TEK: variants seen among roughly 807,000 people sequenced by gnomAD.
TEK encodes TEK receptor tyrosine kinase.
Under a neutral mutation model 131.8 loss-of-function variants are expected in TEK, and 43 were observed. The observed-to-expected ratio is 0.33, with a 90% confidence interval of 0.26 to 0.42. The LOEUF (loss-of-function observed/expected upper bound fraction) is 0.42, where lower values mean the gene tolerates loss of function less well. TEK is among the 10% of genes least tolerant of loss of function. The pLI is 1.00. For synonymous variants in TEK, 580 were observed against 491.6 expected (o/e 1.18, Z -2.38); for missense variants, 1,162 against 1,384.4 (o/e 0.84, Z 2.55).
Position 27,229,439 on chromosome 9 carries a change from A to G in TEK, c.*207A>G, listed in dbSNP as rs1268552493. On this transcript the variant is annotated 3_prime_UTR_variant, in exon 23 of 23. Coordinates refer to ENST00000380036, the MANE Select transcript of TEK (RefSeq NM_000459.5). ...TAGGACTGTATATACTGTTTTAAGA[A>G]TGGGCTGAAATCAGAATGCCTGTTT... is the stretch of plus-strand genomic sequence containing the variant. The G allele has an allele frequency of 1.5e-5, 9 of 593,368 alleles. No homozygotes were observed. Among genetic ancestry groups the G allele is most frequent in the Admixed American group, 2.8e-5 (1 of 35,592 alleles). The allele number at this position is 593,368 out of a possible 1,614,324, so 36.8% of individuals were successfully genotyped here. A position where few individuals can be genotyped will look rare whatever the true frequency, so the allele number is the denominator to read the frequency against.
intron 6 of TEK, among the ~76,000 whole-genome samples, chr9:27,174,099 A>G (rs531909831): frequency 2.0e-5 from 3 of 152,188 alleles, no homozygotes; most frequent in Non-Finnish European, 2.9e-5. Flanking sequence ...CCATTTGACC[A>G]GGCTCTGTGG....
chr9:27,137,027 T>C (rs1485064621), intron 1 of TEK, among the ~76,000 whole-genome samples: 4 of 152,196 alleles, frequency 2.6e-5, no homozygotes, highest in Admixed American at 2.0e-4. Flanking sequence ...GCGATTCTCC[T>C]GCCTCAGCCT....
chr9:27,191,076 T>C (rs1824802253), intron 10 of TEK, among the ~76,000 whole-genome samples: 1 of 152,198 alleles, frequency 6.6e-6, no homozygotes, highest in South Asian at 2.1e-4. Flanking sequence ...AGGCTTAATC[T>C]GCCTAAATCC....
chr9:27,228,846 C>G (rs1008748602), intron 22 of TEK, among the ~76,000 whole-genome samples: 1 of 152,082 alleles, frequency 6.6e-6, no homozygotes, highest in African/African-American at 2.4e-5. Flanking sequence ...GAGATTCAGA[C>G]AGAGGAAGGA....
In TEK at chr9:27,172,716, T is replaced by G. The variant is rs1460117652; in HGVS notation, c.729T>G (p.Pro243=). The stretch of plus-strand genomic sequence containing the variant: ...AAGATACTGGAGAATGCATTTGCCC[T>G]CCTGGGTTTATGGGAAGGACGTGTG... The part of the protein sequence containing the change: ...CHEDTGECIC[P]PGFMGRTCEK... The change falls in exon 5 of 23, where the codon CCT becomes CCG. Residue 243 remains proline, a synonymous_variant. Coordinates refer to ENST00000380036, the MANE Select transcript of TEK (RefSeq NM_000459.5). 1 of 1,613,666 alleles carries G rather than the reference T, an allele frequency of 6.2e-7. No individual in the cohort carries two copies. The highest frequency in any genetic ancestry group is 1.3e-5 in the African/African-American group (1 of 75,024).
In TEK at chr9:27,203,005, C is replaced by T; in HGVS notation, c.2095C>T (p.Leu699Phe). Residue 699 changes from leucine to phenylalanine, a missense_variant, in exon 13 of 23, where the codon CTC (leucine) becomes TTC (phenylalanine). Coordinates refer to ENST00000380036, the MANE Select transcript of TEK (RefSeq NM_000459.5). ...GAATGCCACCATCACTCAGTATCAG[C>T]TCAAGGGCCTAGAGCCTGAAACAGC... ...IKNATITQYQLKGLEPETAYQ... is the reference protein window; with the variant it reads ...IKNATITQYQFKGLEPETAYQ... The T allele has an allele frequency of 1.2e-6, 2 of 1,614,110 alleles. No individual in the cohort carries two copies. The highest frequency in any genetic ancestry group is 8.5e-7 in the Non-Finnish European group (1 of 1,179,998).
intron 1 of TEK, among the ~76,000 whole-genome samples, chr9:27,116,130 T>C (rs1349872819): frequency 6.6e-6 from 1 of 152,018 alleles, no homozygotes; most frequent in Non-Finnish European, 1.5e-5. Context: ...GAGTTAGTGA[T>C]TGGTTGTATA....
chr9:27,137,082 A>AT (rs972019322), intron 1 of TEK, among the ~76,000 whole-genome samples: 1 of 151,886 alleles, frequency 6.6e-6, no homozygotes, highest in African/African-American at 2.4e-5. Context: ...CGCCTGGCTA[A>AT]TTTTTTTGTA....
At chr9:27,137,744 A>T (rs1478521086) in intron 1 of TEK, among the ~76,000 whole-genome samples, 1 of 152,228 alleles carries the variant, frequency 6.6e-6, no homozygotes, top group Admixed American at 6.5e-5. Context: ...ACTATTGTGA[A>T]TTCTACCCAC....
In TEK at chr9:27,212,889, C is replaced by G. The variant is rs1356088614; in HGVS notation, c.2869C>G (p.Gln957Glu). The G allele has an allele frequency of 6.2e-7, 1 of 1,613,912 alleles. No homozygotes were observed. The highest frequency in any genetic ancestry group is 1.7e-5 in the Admixed American group (1 of 60,028). ...DVARGMDYLSQKQFIHRDLAA... is the reference protein window; with the variant it reads ...DVARGMDYLSEKQFIHRDLAA... ...GGCCCGGGGCATGGACTACTTGAGC[C>G]AAAAACAGGTTTGTCCGGAGGACTT... Residue 957 changes from glutamine (Q) to glutamate (E), a missense_variant, in exon 17 of 23, where the codon CAA becomes GAA. Physicochemically the swap from Gln to Glu is conservative, Grantham distance 29. This residue lies in a region of TEK where 107 missense variants were observed against 173.9 expected (regional missense o/e 0.62). Coordinates refer to ENST00000380036, the MANE Select transcript of TEK (RefSeq NM_000459.5).
At chr9:27,126,755 G>A (rs1587486428) in intron 1 of TEK, among the ~76,000 whole-genome samples, 2 of 152,156 alleles carry the variant, frequency 1.3e-5, no homozygotes, top group African/African-American at 4.8e-5. Context: ...GAAGCAGGAG[G>A]AATTAAAATA....
At chr9:27,172,877 T>C in intron 5 of TEK, 130 bp downstream of exon 5, 1 of 1,290,842 alleles carries the variant, frequency 7.7e-7, no homozygotes, top group Middle Eastern at 1.9e-4. Context: ...GGTACCTGTG[T>C]GTGAATTAGA....
chr9:27,184,758 C>T (rs1269353602), intron 8 of TEK, among the ~76,000 whole-genome samples: 1 of 152,006 alleles, frequency 6.6e-6, no homozygotes, highest in East Asian at 1.9e-4. Context: ...GGCAAAGAGG[C>T]CAGATACGGT....
chr9:27,213,847 G>T (rs1825720518), intron 18 of TEK, among the ~76,000 whole-genome samples: 1 of 152,194 alleles, frequency 6.6e-6, no homozygotes. Context: ...CAAACCTAGT[G>T]GTTTGGGGTC....
At chr9:27,227,690 C>T (rs750730036) in intron 21 of TEK, among the ~76,000 whole-genome samples, 37 of 152,160 alleles carry the variant, frequency 2.4e-4, no homozygotes, top group Non-Finnish European at 3.8e-4. Context: ...GACCTGATCA[C>T]CTCCCAAAGG....
intron 21 of TEK, among the ~76,000 whole-genome samples, chr9:27,222,491 G>A (rs1826125450): frequency 6.6e-6 from 1 of 152,220 alleles, no homozygotes; most frequent in South Asian, 2.1e-4. Flanking sequence ...ACAAAGGGAA[G>A]CCAAACAGAC....
intron 1 of TEK, among the ~76,000 whole-genome samples, chr9:27,120,739 G>T (rs1006224738): frequency 6.6e-6 from 1 of 152,180 alleles, no homozygotes; most frequent in Non-Finnish European, 1.5e-5. Context: ...AGATATACTC[G>T]ACTGGGCTCT....
chr9:27,144,703 A>G (rs1262356710), intron 1 of TEK, among the ~76,000 whole-genome samples: 1 of 152,166 alleles, frequency 6.6e-6, no homozygotes, highest in Non-Finnish European at 1.5e-5. Flanking sequence ...CTGGAAGACA[A>G]TAGATTCCAA....
chr9:27,127,960 T>TGCAGAAGC (rs1822053281), intron 1 of TEK, among the ~76,000 whole-genome samples: 1 of 152,222 alleles, frequency 6.6e-6, no homozygotes, highest in Non-Finnish European at 1.5e-5. Flanking sequence ...TCTTTTGCTG[T>TGCAGAAGC]GCAGAAGCTC....
Sources: gnomAD v4.1 joint callset for allele counts (sites outside exome capture counted in the v4.1 genomes callset) on GRCh38, gnomAD v4.1.1 for gene constraint, gnomAD v4.1.1 regional missense constraint, MANE v1.5 for transcripts, NCBI Gene and HGNC (gene_info 2026-07-23, HGNC 2026-07-21) for gene names.